Variants in SLC5A7 observed in about 807,000 individuals in gnomAD.
SLC5A7 encodes solute carrier family 5 member 7, also known as high affinity choline transporter 1.
A neutral mutation model predicts 55.4 loss-of-function variants in SLC5A7; 19 were observed. That is an observed-to-expected ratio of 0.34 (90% confidence interval 0.24 to 0.50). The LOEUF is 0.50. Among genes scored for constraint, SLC5A7 ranks in the 20% least tolerant of loss-of-function variants. SLC5A7 has a pLI of 0.98. For missense variants in SLC5A7, 506 were observed against 705.3 expected (o/e 0.72, Z 3.20); for synonymous variants, 265 against 263.7 (o/e 1.00, Z -0.05).
In SLC5A7 at chr2:107,997,824, CTT is replaced by C. The variant is rs763317505; in HGVS notation, c.449-13_449-12del. The C allele has an allele frequency of 6.9e-6, 11 of 1,601,772 alleles. No homozygotes were observed. The highest frequency in any genetic ancestry group is 5.1e-5 in the Admixed American group (3 of 58,570). ...CTGGGCACCTTGACCACAGAACTCT[CTT>C]GTTTGTTTCAGGAGCCACCATCAGC... is the stretch of plus-strand genomic sequence containing the variant. On this transcript the variant is annotated splice_polypyrimidine_tract_variant and intron_variant, in intron 4 of 8. Transcript: ENST00000264047.
intron 7 of SLC5A7, among the ~76,000 whole-genome samples, chr2:108,006,866 T>A (rs6720783): frequency 2.0e-5 from 3 of 151,934 alleles, no homozygotes; most frequent in South Asian, 2.1e-4. Context: ...TTGAGATTTC[T>A]GCTTTACACC....
intron 3 of SLC5A7, 47 bp from the exon 4 acceptor site, chr2:107,992,925 A>C (rs780892950): frequency 6.3e-7 from 1 of 1,597,300 alleles, no homozygotes; most frequent in South Asian, 1.1e-5. Flanking sequence ...AAAGACTATT[A>C]TATTACATTC....
chr2:107,990,337 T>TA (rs1677406347), intron 2 of SLC5A7, among the ~76,000 whole-genome samples: 2 of 152,196 alleles, frequency 1.3e-5, no homozygotes, highest in Non-Finnish European at 1.5e-5. Context: ...ACAGTAGACT[T>TA]ACACAATGAC....
chr2:107,990,105 A>T (rs576461176), intron 2 of SLC5A7, among the ~76,000 whole-genome samples: 23 of 152,340 alleles, frequency 1.5e-4, no homozygotes, highest in African/African-American at 5.5e-4. Context: ...GAATAGAGAT[A>T]AAAAATGTTG....
intron 6 of SLC5A7, 26 bp from the exon 7 acceptor site, chr2:108,006,023 T>A (rs1678102871): frequency 6.2e-7 from 1 of 1,613,034 alleles, no homozygotes. Flanking sequence ...GATGTTTGCC[T>A]CTCCATCCTT....
At position 108,010,833 on chromosome 2, in the gene SLC5A7, G is replaced by T; in HGVS notation, c.1715G>T (p.Gly572Val). 3 of 1,590,122 alleles carry T rather than the reference G, an allele frequency of 1.9e-6. No homozygotes were observed. The highest frequency in any genetic ancestry group is 2.6e-6 in the Non-Finnish European group (3 of 1,173,252). Residue 572 changes from glycine (G) to valine (V), a missense_variant, in exon 9 of 9, where the codon GGG becomes GTG. Transcript: ENST00000264047. ...AFLDVDSSPE[G>V]SGTEDNLQ The stretch of plus-strand genomic sequence containing the variant: ...CTTGATGTTGATTCCAGTCCAGAAG[G>T]GTCTGGGACTGAAGATAATTTACAG...
At chr2:108,000,390 T>TA (rs1677836627) in intron 5 of SLC5A7, among the ~76,000 whole-genome samples, 2 of 152,118 alleles carry the variant, frequency 1.3e-5, no homozygotes, top group Non-Finnish European at 2.9e-5. Flanking sequence ...CATAAAAGTG[T>TA]GTGTGCCTAC....
chr2:107,999,144 G>GT (rs1677790506), intron 5 of SLC5A7, among the ~76,000 whole-genome samples: 1 of 152,132 alleles, frequency 6.6e-6, no homozygotes, highest in Non-Finnish European at 1.5e-5. Context: ...CATTCATATT[G>GT]TAACTGAATA....
chr2:108,008,738 A>G, intron 8 of SLC5A7, 56 bp downstream of exon 8: 2 of 1,411,372 alleles, frequency 1.4e-6, no homozygotes, highest in South Asian at 2.5e-5. Flanking sequence ...GCTGCTTCTG[A>G]TGTTGTATTT....
In SLC5A7 at chr2:107,995,133, G is replaced by A. The variant is rs181512091; in HGVS notation, c.448+2006G>A. Among the ~76,000 whole-genome samples the A allele has an allele frequency of 1.2e-3, 190 of 152,216 alleles. 1 individual carries two copies. Among genetic ancestry groups the A allele is most frequent in the Non-Finnish European group, 1.6e-3 (111 of 68,008 alleles). On this transcript the variant is annotated intron_variant, in intron 4 of 8. Transcript: ENST00000264047. The stretch of plus-strand genomic sequence containing the variant: ...TACTTACACAAACCGAGTTGGTAGC[G>A]CCTACTACACACACAGGCTATACAG...
intron 2 of SLC5A7, among the ~76,000 whole-genome samples, chr2:107,990,418 G>A (rs929926592): frequency 6.6e-6 from 1 of 152,012 alleles, no homozygotes; most frequent in Non-Finnish European, 1.5e-5. Context: ...AAACATTGAC[G>A]TGTTAGCAAT....
chr2:107,988,632 C>T (rs1677334398), intron 2 of SLC5A7, among the ~76,000 whole-genome samples: 1 of 152,056 alleles, frequency 6.6e-6, no homozygotes, highest in Non-Finnish European at 1.5e-5. Context: ...AGAGTAAAAA[C>T]AAAGAGGTGG....
Position 107,992,162 on chromosome 2 carries a change from G to A in SLC5A7, c.235G>A (p.Gly79Ser). The change falls in exon 3 of 9, where the codon GGT (glycine) becomes AGT (serine). Residue 79 changes from glycine to serine, a missense_variant. By Grantham distance (56) the Gly-to-Ser change is moderately conservative. This residue lies in a region of SLC5A7 where 309 missense variants were observed against 478.6 expected (regional missense o/e 0.65). Coordinates refer to ENST00000264047, the MANE Select transcript of SLC5A7 (RefSeq NM_021815.5). ...CACAGCTGAAGCAGTTTATGTACCA[G>A]GTTATGGCCTAGCTTGGGCTCAGGC... ...NGTAEAVYVP[G>S]YGLAWAQAPI... is the part of the protein sequence containing the mutation. The A allele has an allele frequency of 6.2e-7, 1 of 1,613,888 alleles. No individual in the cohort carries two copies. Among genetic ancestry groups the A allele is most frequent in the Non-Finnish European group, 8.5e-7 (1 of 1,179,820 alleles).
chr2:108,008,363 C>T (rs567436343), intron 7 of SLC5A7, 102 bp from the exon 8 acceptor site: 2 of 806,568 alleles, frequency 2.5e-6, no homozygotes, highest in South Asian at 1.8e-5. Flanking sequence ...GTATATGATT[C>T]TGAGTTTATT....
At chr2:108,009,533 A>G (rs1480848862) in intron 8 of SLC5A7, among the ~76,000 whole-genome samples, 2 of 151,090 alleles carry the variant, frequency 1.3e-5, no homozygotes, top group Admixed American at 6.6e-5. Flanking sequence ...TCATTGTTCA[A>G]CTCCCACTTA....
intron 2 of SLC5A7, among the ~76,000 whole-genome samples, chr2:107,989,367 G>T (rs1481286612): frequency 6.6e-6 from 1 of 152,214 alleles, no homozygotes; most frequent in Non-Finnish European, 1.5e-5. Flanking sequence ...TACCAAACCA[G>T]TCTGGGGAGA....
chr2:107,996,024 ATC>A (rs1321295775), intron 4 of SLC5A7, among the ~76,000 whole-genome samples: 31 of 152,292 alleles, frequency 2.0e-4, no homozygotes, highest in African/African-American at 7.2e-4. Flanking sequence ...CGTCTCTAAT[ATC>A]TCTGAGTTAC....
At chr2:107,989,609 A>ACAGG (rs1445521169) in intron 2 of SLC5A7, among the ~76,000 whole-genome samples, 7 of 152,206 alleles carry the variant, frequency 4.6e-5, no homozygotes, top group Non-Finnish European at 8.8e-5. Context: ...AGAACCAAAC[A>ACAGG]CAGGTCTCCG....
chr2:107,992,633 A>C (rs959183112), intron 3 of SLC5A7, among the ~76,000 whole-genome samples: 9 of 152,198 alleles, frequency 5.9e-5, no homozygotes, highest in African/African-American at 1.9e-4. Flanking sequence ...AAAGGCTTTT[A>C]TTGAATCTGT....
Sources: allele counts gnomAD v4.1 joint callset (sites outside exome capture counted in the v4.1 genomes callset), GRCh38; gene constraint gnomAD v4.1.1; regional missense constraint gnomAD v4.1.1; transcripts MANE v1.5; gene names NCBI Gene and HGNC (gene_info 2026-07-23, HGNC 2026-07-21).